The following LAMC2 variants were observed in gnomAD, a reference collection of about 807,000 sequenced individuals.
LAMC2 encodes the protein laminin subunit gamma 2, also known as laminin subunit gamma-2.
LAMC2 carries 97 observed loss-of-function variants against 140.2 expected under a neutral mutation model. That is an observed-to-expected ratio of 0.69 (90% CI 0.59 to 0.82). LAMC2 has a LOEUF of 0.82. LAMC2 is among the 40% of genes least tolerant of loss of function. The probability of loss-of-function intolerance (pLI) is 0.00; values close to 1 mark genes in which losing one functional copy is unlikely to be tolerated. For synonymous variants in LAMC2, 513 were observed against 540.2 expected, an observed-to-expected ratio of 0.95 and a Z score of 0.70; for missense variants, 1,402 against 1,476.1, an observed-to-expected ratio of 0.95 and a Z score of 0.82.
chr1:183,205,344 C>T (rs1658851107), intron 1 of LAMC2, among the ~76,000 whole-genome samples: 1 of 152,058 alleles, frequency 6.6e-6, no homozygotes, highest in African/African-American at 2.4e-5. Context: ...TGTTGGAGAT[C>T]CAAAAAATCA....
In LAMC2 at chr1:183,207,835, GT is replaced by G. The variant is rs10668798; in HGVS notation, c.80-31del. 59,675 of 1,143,928 alleles carry G rather than the reference GT, an allele frequency of 0.052. 6 individuals are homozygous for G. Among genetic ancestry groups the G allele is most frequent in the Middle Eastern group, 0.063 (280 of 4,464 alleles). The allele number at this position is 1,143,928 out of a possible 1,614,324, so 70.9% of individuals were successfully genotyped here. A position where few individuals can be genotyped will look rare whatever the true frequency, so the allele number is the denominator to read the frequency against. On this transcript the variant is annotated intron_variant, in intron 1 of 22. Transcript: ENST00000264144. ...CACCTGCTAGAACAGTTCCTGAGGTGTTTTTTTTTTTTTTTGACGATCTCTT... is the reference window on the plus strand; with the variant it reads ...CACCTGCTAGAACAGTTCCTGAGGTGTTTTTTTTTTTTTTGACGATCTCTT...
chr1:183,230,927 T>G, intron 11 of LAMC2, 34 bp from the exon 12 acceptor site: 1 of 1,613,662 alleles, frequency 6.2e-7, no homozygotes, highest in Non-Finnish European at 8.5e-7. Flanking sequence ...TAGACTAGTT[T>G]GATGTGAATG....
At chr1:183,197,863 T>C (rs1658571307) in intron 1 of LAMC2, among the ~76,000 whole-genome samples, 1 of 151,970 alleles carries the variant, frequency 6.6e-6, no homozygotes, top group Non-Finnish European at 1.5e-5. Flanking sequence ...ACTGAGACGT[T>C]GTGGAGATTA....
Position 183,223,398 on chromosome 1 carries a change from C to A in LAMC2, c.953+74C>A, listed in dbSNP as rs1571526320. ...AGTTCAAGTTTGTTCTTTATTCATT[C>A]AATCATCATTCATTTGTTCAACAAG... is the stretch of plus-strand genomic sequence containing the variant. On this transcript the variant is annotated intron_variant, in intron 7 of 22. Coordinates refer to ENST00000264144, the MANE Select transcript of LAMC2 (RefSeq NM_005562.3). The A allele has an allele frequency of 6.5e-6, 9 of 1,386,538 alleles. No individual in the cohort carries two copies. The Middle Eastern group carries it at 8.0e-4, about 123-fold the overall frequency. The allele number at this position is 1,386,538 out of a possible 1,614,324, so 85.9% of individuals were successfully genotyped here.
chr1:183,197,675 CAAA>C (rs201843893), intron 1 of LAMC2, among the ~76,000 whole-genome samples: 47 of 123,724 alleles, frequency 3.8e-4, no homozygotes, highest in Admixed American at 4.0e-4. Flanking sequence ...GACTCCGTCT[CAAA>C]AAAAAAAAAA....
downstream of LAMC2, chr1:183,248,833 T>C (rs1177296844): frequency 6.6e-6 from 1 of 152,210 alleles, no homozygotes; most frequent in Admixed American, 6.6e-5. Flanking sequence ...TATTTTTGCA[T>C]TACTGTTTGG....
At chr1:183,236,667 G>A in intron 17 of LAMC2, 63 bp downstream of exon 17, 1 of 1,571,198 alleles carries the variant, frequency 6.4e-7, no homozygotes, top group South Asian at 1.1e-5. Context: ...CTTTTCTGGG[G>A]GTGCCATAAT....
rs781376405 is a variant in LAMC2, at chr1:183,235,668, T to C, written c.2394T>C (p.His798=). The change falls in exon 16 of 23, where the codon CAT becomes CAC. Residue 798 remains histidine, a synonymous_variant. Coordinates refer to ENST00000264144, the MANE Select transcript of LAMC2 (RefSeq NM_005562.3). ...QALSLVRKAL[H]EGVGSGSGSP... ...TCTCACTGGTGCGCAAGGCCCTGCATGAAGGAGTCGGAAGCGGAAGCGGTA... is the reference window on the plus strand; with the variant it reads ...TCTCACTGGTGCGCAAGGCCCTGCACGAAGGAGTCGGAAGCGGAAGCGGTA... 1 of 1,614,208 alleles carries C rather than the reference T, an allele frequency of 6.2e-7. No individual in the cohort carries two copies. Among genetic ancestry groups the C allele is most frequent in the South Asian group, 1.1e-5 (1 of 91,084 alleles).
At chr1:183,226,652 T>A (rs1659633817) in intron 8 of LAMC2, 46 bp from the exon 9 acceptor site, 1 of 1,504,300 alleles carries the variant, frequency 6.6e-7, no homozygotes, top group Non-Finnish European at 9.3e-7. Context: ...CTTGAGATCT[T>A]TAGACTGTAC....
chr1:183,252,505 C>G, the LAMC2 span: 61 of 735,586 alleles, frequency 8.3e-5, no homozygotes, highest in Non-Finnish European at 1.4e-4. Flanking sequence ...CTGCAGGTCC[C>G]CCACACTATG....
intron 1 of LAMC2, among the ~76,000 whole-genome samples, chr1:183,198,443 G>C (rs1658596129): frequency 6.6e-6 from 1 of 152,040 alleles, no homozygotes; most frequent in Non-Finnish European, 1.5e-5. Flanking sequence ...GTGCCGGGCT[G>C]AGCATTATCT....
intron 1 of LAMC2, among the ~76,000 whole-genome samples, chr1:183,202,223 C>T (rs1273542635): frequency 7.7e-5 from 11 of 142,472 alleles, no homozygotes; most frequent in African/African-American, 2.6e-4. Context: ...ACAACAACAA[C>T]AAAAAAAAAA....
chr1:183,197,653 G>A (rs1235741510), intron 1 of LAMC2, among the ~76,000 whole-genome samples: 1 of 150,338 alleles, frequency 6.7e-6, no homozygotes, highest in Non-Finnish European at 1.5e-5. Context: ...TCCAGTCTGG[G>A]CGACAGAGCG....
At chr1:183,198,858 G>A (rs1658610414) in intron 1 of LAMC2, among the ~76,000 whole-genome samples, 1 of 152,166 alleles carries the variant, frequency 6.6e-6, no homozygotes, top group South Asian at 2.1e-4. Context: ...TAGTTCATCT[G>A]GTATGAGCAG....
rs1659606592 is a variant in LAMC2 at position 183,225,716 on chromosome 1, A to T, written c.1062A>T (p.Glu354Asp). The change falls in exon 8 of 23, where the codon GAA (glutamate) becomes GAT (aspartate). Residue 354 changes from glutamate (E) to aspartate (D), a missense_variant. Glu to Asp is a conservative substitution (Grantham distance 45). Transcript: ENST00000264144. ...TALRIRATYGEYSTGYIDNVT... is the reference protein window; with the variant it reads ...TALRIRATYGDYSTGYIDNVT... ...TCCGCATCCGAGCTACATATGGAGA[A>T]TACAGTAAGTGGCTACGAGAAATTA... 1 of 1,592,416 alleles carries T rather than the reference A, an allele frequency of 6.3e-7. No individual in the cohort carries two copies.
In LAMC2 at chr1:183,237,428, A is replaced by T; in HGVS notation, c.2678A>T (p.Lys893Met). 1 of 1,614,190 alleles carries T rather than the reference A, an allele frequency of 6.2e-7. No individual in the cohort carries two copies. Among genetic ancestry groups the T allele is most frequent in the Non-Finnish European group, 8.5e-7 (1 of 1,179,984 alleles). The change falls in exon 18 of 23, where the codon AAG becomes ATG. Residue 893 changes from lysine to methionine, a missense_variant. By Grantham distance (95) the Lys-to-Met change is moderately conservative. Around this residue, in one of 3 missense-constraint regions of LAMC2, gnomAD observed 670 missense variants for 667.2 expected, o/e 1.00. Coordinates refer to ENST00000264144, the MANE Select transcript of LAMC2 (RefSeq NM_005562.3). ...SLVTRHMDEF[K>M]RTQKNLGNWK... is the part of the protein sequence containing the mutation. ...GTAACCAGGCATATGGATGAGTTCAAGCGTACACAGAAGAATCTGGGAAAC... is the reference window on the plus strand; with the variant it reads ...GTAACCAGGCATATGGATGAGTTCATGCGTACACAGAAGAATCTGGGAAAC...
At position 183,230,544 on chromosome 1, in the gene LAMC2, T is replaced by C. The variant is rs146855125; in HGVS notation, c.1715-417T>C. Among the ~76,000 whole-genome samples, 126 of 152,328 alleles carry C rather than the reference T, an allele frequency of 8.3e-4. 1 individual carries two copies. Among genetic ancestry groups the C allele is most frequent in the South Asian group, 1.7e-3 (8 of 4,828 alleles). On this transcript the variant is annotated intron_variant, in intron 11 of 22. Coordinates refer to ENST00000264144, the MANE Select transcript of LAMC2 (RefSeq NM_005562.3). ...AACATTGGCTCTGCCTGACCTCTCA[T>C]TGTAGCTTGCCATTTACTTGCCATG...
At position 183,244,455 on chromosome 1, in the gene LAMC2, G is replaced by A. The variant is rs1660200889; in HGVS notation, c.*1055G>A. On this transcript the variant is annotated 3_prime_UTR_variant, in exon 23 of 23. Transcript: ENST00000264144. ...AACATATATTTATTGAGTACCTACT[G>A]TGTGCCAGGGGCTGGTGGGACAGTG... The A allele has an allele frequency of 1.3e-5, 2 of 152,334 alleles. No individual in the cohort carries two copies. The highest frequency in any genetic ancestry group is 2.9e-5 in the Non-Finnish European group (2 of 68,038). The allele number at this position is 152,334 out of a possible 1,614,324, so 9.4% of individuals were successfully genotyped here.
At chr1:183,214,940 G>A (rs1192990472) in intron 2 of LAMC2, among the ~76,000 whole-genome samples, 1 of 152,144 alleles carries the variant, frequency 6.6e-6, no homozygotes, top group Non-Finnish European at 1.5e-5. Context: ...ACTTGGGGGC[G>A]TACCACAGGG....
Sources: allele counts gnomAD v4.1 joint callset (sites outside exome capture counted in the v4.1 genomes callset), GRCh38; gene constraint gnomAD v4.1.1; regional missense constraint gnomAD v4.1.1; transcripts MANE v1.5; gene names NCBI Gene and HGNC (gene_info 2026-07-23, HGNC 2026-07-21).